The following ATP6V1F variants were observed in gnomAD, a reference collection of about 807,000 sequenced individuals.
The protein encoded by ATP6V1F is ATPase H+ transporting V1 subunit F.
A neutral mutation model predicts 6.6 loss-of-function variants in ATP6V1F; 4 were observed. That is an observed-to-expected ratio of 0.60 (90% CI 0.30 to 1.38). The LOEUF (loss-of-function observed/expected upper bound fraction) is 1.38, where lower values mean the gene tolerates loss of function less well. ATP6V1F is among the 40% of genes most tolerant of loss of function. The pLI, the probability that ATP6V1F is intolerant of heterozygous loss-of-function variation, is 0.08. For missense variants in ATP6V1F, 136 were observed against 165.5 expected (o/e 0.82, Z 0.98); for synonymous variants, 68 against 66.9 (o/e 1.02, Z -0.08).
rs879151164 is a variant in ATP6V1F at position 128,865,169 on chromosome 7, C to T, written c.159-208C>T. Reference sequence around the variant, plus strand: ...TGTTGTAGAAGCCAACCCTAATCAGCGTGACCCTCCGCTTTGGGATGAAAT... The same window carrying T: ...TGTTGTAGAAGCCAACCCTAATCAGTGTGACCCTCCGCTTTGGGATGAAAT... On this transcript the variant is annotated intron_variant, in intron 1 of 1. Transcript: ENST00000249289. This position sits in a 1 kb window ranked among gnomAD's most constrained non-coding sequence, Gnocchi z 4.4. 5.9e-6 allele frequency: 9 copies of T among 1,536,294 alleles called. No homozygotes were observed. The highest frequency in any genetic ancestry group is 4.9e-5 in the East Asian group (2 of 40,936).
chr7:128,863,043 GAGATCGA>G lies in ATP6V1F; in HGVS notation c.143_149del (p.Ile48ThrfsTer7). The G allele has an allele frequency of 6.2e-7, 1 of 1,612,578 alleles. No homozygotes were observed. The highest frequency in any genetic ancestry group is 8.5e-7 in the Non-Finnish European group (1 of 1,179,346). On this transcript the variant is annotated frameshift_variant, in exon 1 of 2. Coordinates refer to ENST00000249289, the MANE Select transcript of ATP6V1F (RefSeq NM_004231.4). LOFTEE classifies it high-confidence loss of function. ...GGTGGAGAAGGATACAACCATCAAT[GAGATCGA>G]AGACACTTTCCGGTACGGTACCGCG... is the stretch of plus-strand genomic sequence containing the variant.
intron 1 of ATP6V1F, 73 bp downstream of exon 1, chr7:128,863,135 C>G: frequency 2.6e-6 from 4 of 1,547,374 alleles, no homozygotes; most frequent in Non-Finnish European, 3.5e-6. Flanking sequence ...TGGAGGCTGC[C>G]CGGACGGGGG....
At position 128,865,485 on chromosome 7, in the gene ATP6V1F, G is replaced by A; in HGVS notation, c.267G>A (p.Leu89=). The change falls in exon 2 of 2, where the codon CTG becomes CTA. Residue 89 remains leucine, a synonymous_variant. Coordinates refer to ENST00000249289, the MANE Select transcript of ATP6V1F (RefSeq NM_004231.4). The surrounding 1 kb of genome is among the most constrained non-coding windows in gnomAD (Gnocchi z 4.4). ...ACCAGCAGTCCATCCCCGCTGTCCTGGAGATCCCCTCCAAGGAGCACCCAT... is the reference window on the plus strand; with the variant it reads ...ACCAGCAGTCCATCCCCGCTGTCCTAGAGATCCCCTCCAAGGAGCACCCAT... ...DAHQQSIPAV[L]EIPSKEHPYD... is the part of the protein sequence containing the mutation. 6.2e-7 allele frequency: 1 copy of A among 1,614,132 alleles called. No individual in the cohort carries two copies. Among genetic ancestry groups the A allele is most frequent in the African/African-American group, 1.3e-5 (1 of 75,050 alleles).
Position 128,865,160 on chromosome 7 carries a change from C to G in ATP6V1F, c.159-217C>G. On this transcript the variant is annotated intron_variant, in intron 1 of 1. Transcript: ENST00000249289. The surrounding 1 kb of genome is among the most constrained non-coding windows in gnomAD (Gnocchi z 4.4). ...TCCGGGCAGTGTTGTAGAAGCCAACCCTAATCAGCGTGACCCTCCGCTTTG... is the reference window on the plus strand; with the variant it reads ...TCCGGGCAGTGTTGTAGAAGCCAACGCTAATCAGCGTGACCCTCCGCTTTG... 2 of 1,536,338 alleles carry G rather than the reference C, an allele frequency of 1.3e-6. No individual in the cohort carries two copies. Among genetic ancestry groups the G allele is most frequent in the South Asian group, 2.4e-5 (2 of 84,064 alleles).
At chr7:128,863,786 C>T (rs1256603316) in intron 1 of ATP6V1F, among the ~76,000 whole-genome samples, 1 of 152,196 alleles carries the variant, frequency 6.6e-6, no homozygotes, top group African/African-American at 2.4e-5. Context: ...AAACCACTCA[C>T]CTGTTTCCCC....
rs759422207 is a variant in ATP6V1F, at chr7:128,865,379, A to T, written c.161A>T (p.Gln54Leu). Residue 54 changes from glutamine (Q) to leucine (L), a missense_variant and splice_region_variant, in exon 2 of 2, where the codon CAA becomes CTA. By Grantham distance (113) the Gln-to-Leu change is moderately radical (BLOSUM62 -2). Coordinates refer to ENST00000249289, the MANE Select transcript of ATP6V1F (RefSeq NM_004231.4). This position sits in a 1 kb window ranked among gnomAD's most constrained non-coding sequence, Gnocchi z 4.4. ...TCCCTTCTCATCTCTCCCCACAGGC[A>T]ATTTCTAAACCGGGATGACATTGGC... ...TINEIEDTFR[Q>L]FLNRDDIGII... The T allele has an allele frequency of 6.8e-6, 11 of 1,613,896 alleles. No homozygotes were observed. In the South Asian group the frequency reaches 1.2e-4, roughly 18 times the overall value.
At chr7:128,864,199 C>G (rs893013314) in intron 1 of ATP6V1F, among the ~76,000 whole-genome samples, 4 of 152,060 alleles carry the variant, frequency 2.6e-5, no homozygotes, top group African/African-American at 9.7e-5. Context: ...CAAAAATTAG[C>G]CAGGCGTGGT....
chr7:128,864,365 CAAAT>C (rs1809336469), intron 1 of ATP6V1F, among the ~76,000 whole-genome samples: 1 of 151,922 alleles, frequency 6.6e-6, no homozygotes, highest in Non-Finnish European at 1.5e-5. Flanking sequence ...ATAAAATAAA[CAAAT>C]GAATGGGTGG....
intron 1 of ATP6V1F, among the ~76,000 whole-genome samples, chr7:128,863,275 G>C (rs1040616587): frequency 1.3e-5 from 2 of 152,196 alleles, no homozygotes; most frequent in African/African-American, 4.8e-5. Flanking sequence ...ACATGATCGT[G>C]TGTCATGAAA....
Position 128,863,044 on chromosome 7 carries a change from A to T in ATP6V1F, c.140A>T (p.Glu47Val). 1 of 1,612,208 alleles carries T rather than the reference A, an allele frequency of 6.2e-7. No individual in the cohort carries two copies. Among genetic ancestry groups the T allele is most frequent in the Non-Finnish European group, 8.5e-7 (1 of 1,179,204 alleles). ...LVVEKDTTINEIEDTFRQFLN... is the reference protein window; with the variant it reads ...LVVEKDTTINVIEDTFRQFLN... ...GTGGAGAAGGATACAACCATCAATG[A>T]GATCGAAGACACTTTCCGGTACGGT... The change falls in exon 1 of 2, where the codon GAG becomes GTG. Residue 47 changes from glutamate (E) to valine (V), a missense_variant. Glu to Val is a moderately radical substitution (Grantham distance 121). Coordinates refer to ENST00000249289, the MANE Select transcript of ATP6V1F (RefSeq NM_004231.4).
At chr7:128,863,482 C>T (rs562382394) in intron 1 of ATP6V1F, among the ~76,000 whole-genome samples, 3 of 152,184 alleles carry the variant, frequency 2.0e-5, no homozygotes, top group Admixed American at 6.5e-5. Flanking sequence ...AGAATTTGAA[C>T]CCAATCTCAA....
rs376293594 is a variant in ATP6V1F at position 128,864,981 on chromosome 7, G to A, written c.159-396G>A. The A allele has an allele frequency of 4.1e-4, 314 of 761,028 alleles. No individual in the cohort carries two copies. In the African/African-American group the frequency reaches 4.5e-3, roughly 11 times the overall value. 47.1% of individuals were successfully genotyped at this position (761,028 alleles called of 1,614,324 possible). A position where few individuals can be genotyped will look rare whatever the true frequency, so the allele number is the denominator to read the frequency against. ...GCCTCCCAAAGTGCTGGGATTACAG[G>A]CGTGAGCCATCACAGCTGGCCTTCA... On this transcript the variant is annotated intron_variant, in intron 1 of 1. Transcript: ENST00000249289.
chr7:128,863,179 C>T (rs1043260009), intron 1 of ATP6V1F, 117 bp downstream of exon 1: 1 of 1,353,938 alleles, frequency 7.4e-7, no homozygotes, highest in African/African-American at 1.5e-5. Context: ...TTCCGCCCTT[C>T]CGGAGCGGAG....
Position 128,862,911 on chromosome 7 carries a change from G to A in ATP6V1F, c.7G>A (p.Gly3Arg). 1 of 1,599,022 alleles carries A rather than the reference G, an allele frequency of 6.3e-7. No individual in the cohort carries two copies. Among genetic ancestry groups the A allele is most frequent in the Non-Finnish European group, 8.5e-7 (1 of 1,172,772 alleles). The change falls in exon 1 of 2, where the codon GGG becomes AGG. Residue 3 changes from glycine to arginine, a missense_variant. Physicochemically the swap from Gly to Arg is moderately radical, Grantham distance 125 (BLOSUM62 -2). Transcript: ENST00000249289. ...GCTCTGCCCGGCTGCAGGGATGGCG[G>A]GGAGGGGTAAGCTCATCGCAGTGAT... MAGRGKLIAVIGD... is the reference protein window; with the variant it reads MARRGKLIAVIGD...
rs555528776 is a variant in ATP6V1F, at chr7:128,863,194, CCGCGCCCCAAGTCCCCGTT to C, written c.158+133_158+151del. On this transcript the variant is annotated intron_variant, in intron 1 of 1. Transcript: ENST00000249289. ...TTCCGCCCTTCCGGAGCGGAGGCCTCCGCGCCCCAAGTCCCCGTTTGGGGCTCGGTGGGACAGAAGCTGT... is the reference window on the plus strand; with the variant it reads ...TTCCGCCCTTCCGGAGCGGAGGCCTCTGGGGCTCGGTGGGACAGAAGCTGT... 1.2e-5 allele frequency: 14 copies of C among 1,156,946 alleles called. No homozygotes were observed. In the Admixed American group the frequency reaches 3.2e-4, roughly 26 times the overall value. The allele number at this position is 1,156,946 out of a possible 1,614,324, so 71.7% of individuals were successfully genotyped here. A position where few individuals can be genotyped will look rare whatever the true frequency, so the allele number is the denominator to read the frequency against.
Position 128,865,441 on chromosome 7 carries a change from C to T in ATP6V1F, c.223C>T (p.Arg75Trp), listed in dbSNP as rs572332618. 7.4e-6 allele frequency: 12 copies of T among 1,614,036 alleles called. No individual in the cohort carries two copies. Among genetic ancestry groups the T allele is most frequent in the East Asian group, 4.5e-5 (2 of 44,902 alleles). Reference protein sequence around the residue: ...LINQYIAEMVRHALDAHQQSI... With the variant: ...LINQYIAEMVWHALDAHQQSI... ...CAACCAGTACATCGCAGAGATGGTGCGGCATGCCCTGGACGCCCACCAGCA... is the reference window on the plus strand; with the variant it reads ...CAACCAGTACATCGCAGAGATGGTGTGGCATGCCCTGGACGCCCACCAGCA... The change falls in exon 2 of 2, where the codon CGG becomes TGG. Residue 75 changes from arginine (R) to tryptophan (W), a missense_variant. Physicochemically the swap from Arg to Trp is moderately radical, Grantham distance 101 (BLOSUM62 -3). Coordinates refer to ENST00000249289, the MANE Select transcript of ATP6V1F (RefSeq NM_004231.4). The surrounding 1 kb of genome is among the most constrained non-coding windows in gnomAD (Gnocchi z 4.4).
rs139719863 is a variant in ATP6V1F, at chr7:128,865,170, G to A, written c.159-207G>A. The A allele has an allele frequency of 9.3e-4, 1,422 of 1,536,454 alleles. 12 individuals are homozygous for A. In the Admixed American group the frequency reaches 0.013, roughly 14 times the overall value. ...GTTGTAGAAGCCAACCCTAATCAGC[G>A]TGACCCTCCGCTTTGGGATGAAATT... On this transcript the variant is annotated intron_variant, in intron 1 of 1. Coordinates refer to ENST00000249289, the MANE Select transcript of ATP6V1F (RefSeq NM_004231.4). The surrounding 1 kb of genome is among the most constrained non-coding windows in gnomAD (Gnocchi z 4.4).
chr7:128,864,133 C>G (rs1014210855), intron 1 of ATP6V1F, among the ~76,000 whole-genome samples: 4 of 152,082 alleles, frequency 2.6e-5, no homozygotes, highest in Admixed American at 2.6e-4. Flanking sequence ...CACCTGAGCT[C>G]GGGAGTTTGA....
chr7:128,863,198 G>T (rs917149311), intron 1 of ATP6V1F, 136 bp downstream of exon 1: 3 of 1,088,442 alleles, frequency 2.8e-6, no homozygotes, highest in Admixed American at 2.7e-5. Flanking sequence ...AGGCCTCCGC[G>T]CCCCAAGTCC....
Sources: gnomAD v4.1 joint callset for allele counts (sites outside exome capture counted in the v4.1 genomes callset) on GRCh38, gnomAD v4.1.1 for gene constraint, Gnocchi (gnomAD v3.1) non-coding constraint, MANE v1.5 for transcripts, NCBI Gene and HGNC (gene_info 2026-07-23, HGNC 2026-07-21) for gene names.